DPP6: variants seen among roughly 807,000 people sequenced by gnomAD.
DPP6 encodes the protein dipeptidyl peptidase like 6.
A neutral mutation model predicts 122.6 loss-of-function variants in DPP6; 69 were observed. The observed-to-expected ratio is 0.56, with a 90% CI of 0.46 to 0.69. DPP6 has a LOEUF of 0.69. DPP6 is among the 30% of genes least tolerant of loss of function. DPP6 has a pLI of 0.00. For missense variants in DPP6, 928 were observed against 1,116.9 expected, an observed-to-expected ratio of 0.83 and a Z score of 2.41; for synonymous variants, 418 against 433.1, an observed-to-expected ratio of 0.97 and a Z score of 0.43.
chr7:154,759,803 G>A (rs12234731), intron 8 of DPP6, among the ~76,000 whole-genome samples: 11 of 152,194 alleles, frequency 7.2e-5, no homozygotes, highest in Admixed American at 3.3e-4. Context: ...ATGCCAATAC[G>A]GTGACACCAG....
intron 1 of DPP6, among the ~76,000 whole-genome samples, chr7:154,041,759 G>T (rs3930009): frequency 0.44 from 66,589 of 151,022 alleles, 14,908 homozygotes; most frequent in African/African-American, 0.5. Context: ...TGTTTTTTTT[G>T]TTGTTTGTTT....
At chr7:153,812,093 G>A in the DPP6 span, among the ~76,000 whole-genome samples, 7 of 152,056 alleles carry the variant, frequency 4.6e-5, no homozygotes, top group Non-Finnish European at 1.0e-4. Flanking sequence ...ATCTCCGTGG[G>A]CACTTTTTTC....
rs1362252192 is a variant in DPP6, at chr7:154,821,645, T to TATAC, written c.1666+14534_1666+14535insTACA. ...TTTTTTCTGTATATATATATATATATACACATATATATATATATACACATA... is the reference window on the plus strand; with the variant it reads ...TTTTTTCTGTATATATATATATATATATACACACATATATATATATATACACATA... On this transcript the variant is annotated intron_variant, in intron 16 of 25. Transcript: ENST00000377770. This position sits in a 1 kb window ranked among gnomAD's most constrained non-coding sequence, Gnocchi z 4.2. Among the ~76,000 whole-genome samples the TATAC allele has an allele frequency of 1.1e-3, 123 of 115,152 alleles. 1 individual carries two copies. The highest frequency in any genetic ancestry group is 3.8e-3 in the African/African-American group (100 of 26,150). 75.5% of individuals were successfully genotyped at this position (115,152 alleles called of 152,430 possible).
chr7:154,594,064 G>A (rs1022440737), intron 5 of DPP6, among the ~76,000 whole-genome samples: 1 of 152,166 alleles, frequency 6.6e-6, no homozygotes, highest in African/African-American at 2.4e-5. Context: ...TGTAGAAAGT[G>A]TGACCTTCCA....
Position 154,820,210 on chromosome 7 carries a change from C to T in DPP6, c.1666+13098C>T, listed in dbSNP as rs142201907. ...GGGCACCACTGCAGCACACGGGACACGCGAAAGGGAGGCCTCAGACCGAGC... is the reference window on the plus strand; with the variant it reads ...GGGCACCACTGCAGCACACGGGACATGCGAAAGGGAGGCCTCAGACCGAGC... On this transcript the variant is annotated intron_variant, in intron 16 of 25. Transcript: ENST00000377770. Among the ~76,000 whole-genome samples, 275 of 152,282 alleles carry T rather than the reference C, an allele frequency of 1.8e-3. 1 individual carries two copies. The highest frequency in any genetic ancestry group is 6.4e-3 in the African/African-American group (266 of 41,556).
intron 16 of DPP6, among the ~76,000 whole-genome samples, chr7:154,824,744 C>T (rs187580616): frequency 3.8e-4 from 58 of 152,328 alleles, no homozygotes; most frequent in African/African-American, 1.1e-3. Context: ...AAATCAGCTG[C>T]TTCCCTGGCT....
At chr7:154,638,197 C>A (rs531227315) in intron 6 of DPP6, among the ~76,000 whole-genome samples, 14 of 152,332 alleles carry the variant, frequency 9.2e-5, no homozygotes, top group Non-Finnish European at 1.8e-4. Context: ...CACCTGCAGC[C>A]TCCTCTCAGG....
intron 16 of DPP6, among the ~76,000 whole-genome samples, chr7:154,837,151 A>G (rs1179324812): frequency 6.6e-6 from 1 of 152,056 alleles, no homozygotes; most frequent in Non-Finnish European, 1.5e-5. Context: ...ATGCATGCAC[A>G]CACATGCACA....
At chr7:154,750,813 C>G (rs1843341185) in intron 8 of DPP6, among the ~76,000 whole-genome samples, 1 of 152,148 alleles carries the variant, frequency 6.6e-6, no homozygotes, top group South Asian at 2.1e-4. Context: ...AGTTGGGAAT[C>G]GAGGCAGTGG....
chr7:154,580,148 C>T (rs1322590804), intron 5 of DPP6, among the ~76,000 whole-genome samples: 1 of 107,122 alleles, frequency 9.3e-6, no homozygotes, highest in Non-Finnish European at 2.0e-5. Flanking sequence ...CTCTCTCCCC[C>T]TTACACACAC....
rs184944803 is a variant in DPP6, at chr7:154,073,156, C to T, written c.243+20093C>T. Among the ~76,000 whole-genome samples, 14 of 152,308 alleles carry T rather than the reference C, an allele frequency of 9.2e-5. No homozygotes were observed. The East Asian group carries it at 1.9e-3, about 21-fold the overall frequency. ...AAAAGAAAGAATTTAAATGTAAAGT[C>T]GCTCTGTGCAGCGAGCATGTTCCTT... On this transcript the variant is annotated intron_variant, in intron 1 of 25. Transcript: ENST00000377770.
At chr7:153,935,508 G>A (rs1251052331) in intron 1 of DPP6, among the ~76,000 whole-genome samples, 6 of 152,142 alleles carry the variant, frequency 3.9e-5, no homozygotes, top group Admixed American at 3.3e-4. Context: ...TCTCCCTGCC[G>A]TCCGAGGCCC....
chr7:154,439,553 A>T (rs926052521), intron 1 of DPP6, among the ~76,000 whole-genome samples: 4 of 152,250 alleles, frequency 2.6e-5, no homozygotes, highest in Non-Finnish European at 5.9e-5. Flanking sequence ...AACTAATTTC[A>T]TAAAAGAATC....
chr7:154,816,142 C>G (rs76175374), intron 16 of DPP6, among the ~76,000 whole-genome samples: 1 of 152,134 alleles, frequency 6.6e-6, no homozygotes, highest in Non-Finnish European at 1.5e-5. Context: ...CTTGCTTAAT[C>G]CTCCACACCC....
intron 1 of DPP6, among the ~76,000 whole-genome samples, chr7:154,169,875 C>A (rs564305914): frequency 6.6e-6 from 1 of 152,232 alleles, no homozygotes; most frequent in Admixed American, 6.5e-5. Context: ...AGACTATAGG[C>A]ACGCGCTATC....
chr7:154,128,716 C>G (rs1054869155), intron 1 of DPP6, among the ~76,000 whole-genome samples: 5 of 151,318 alleles, frequency 3.3e-5, no homozygotes, highest in African/African-American at 1.2e-4. Flanking sequence ...AATACATTTA[C>G]AAAATAAGAT....
chr7:154,422,800 G>A (rs1817586498), intron 1 of DPP6, among the ~76,000 whole-genome samples: 1 of 152,128 alleles, frequency 6.6e-6, no homozygotes, highest in Non-Finnish European at 1.5e-5. Flanking sequence ...TAAAAGCATA[G>A]CAATGGTAAC....
At chr7:153,990,940 A>G (rs1257979770) in intron 1 of DPP6, among the ~76,000 whole-genome samples, 2 of 152,200 alleles carry the variant, frequency 1.3e-5, no homozygotes, top group African/African-American at 4.8e-5. Flanking sequence ...TAAACGGTCA[A>G]GGTTGTTTCT....
chr7:153,961,192 A>G (rs1246258852), intron 1 of DPP6, among the ~76,000 whole-genome samples: 1 of 146,980 alleles, frequency 6.8e-6, no homozygotes, highest in Admixed American at 6.8e-5. Context: ...TTTGGCATTT[A>G]TCTAGGTCTC....
Sources: gnomAD v4.1 joint callset for allele counts (sites outside exome capture counted in the v4.1 genomes callset) on GRCh38, gnomAD v4.1.1 for gene constraint, Gnocchi (gnomAD v3.1) non-coding constraint, MANE v1.5 for transcripts, NCBI Gene and HGNC (gene_info 2026-07-23, HGNC 2026-07-21) for gene names.